The following AP2S1 variants were observed in gnomAD, a reference collection of about 807,000 sequenced individuals.
AP2S1 encodes the protein adaptor related protein complex 2 subunit sigma 1.
Under a neutral mutation model 21.0 loss-of-function variants are expected in AP2S1, and 6 were observed. The observed-to-expected ratio is 0.29, with a 90% CI of 0.16 to 0.56. The LOEUF (loss-of-function observed/expected upper bound fraction) is 0.56. Among genes scored for constraint, AP2S1 ranks in the 20% least tolerant of loss-of-function variants. The probability of loss-of-function intolerance (pLI) is 0.92; values close to 1 mark genes in which losing one functional copy is unlikely to be tolerated. For synonymous variants in AP2S1, 63 were observed against 74.6 expected, an observed-to-expected ratio of 0.84 and a Z score of 0.80; for missense variants, 60 against 186.2, an observed-to-expected ratio of 0.32 and a Z score of 3.95.
At chr19:46,850,015 C>T (rs2122815746) in intron 1 of AP2S1, 1 of 905,536 alleles carries the variant, frequency 1.1e-6, no homozygotes, top group Middle Eastern at 3.9e-4. Context: ...GAGTCTTTGC[C>T]CCAACAAAGA....
intron 2 of AP2S1, among the ~76,000 whole-genome samples, chr19:46,842,284 C>T (rs762182479): frequency 1.1e-4 from 16 of 152,108 alleles, no homozygotes; most frequent in African/African-American, 1.4e-4. Flanking sequence ...CCTCCAGACC[C>T]CCAGGCTGGG....
chr19:46,848,078 G>A (rs1385697687), intron 1 of AP2S1, among the ~76,000 whole-genome samples: 1 of 152,044 alleles, frequency 6.6e-6, no homozygotes, highest in East Asian at 1.9e-4. Context: ...AGGAGTAAAG[G>A]ATATTCCTGG....
At chr19:46,850,178 G>A (rs2055713460) in intron 1 of AP2S1, 1 of 1,232,362 alleles carries the variant, frequency 8.1e-7, no homozygotes. Context: ...AGACCCTTAA[G>A]TTTCATTCCC....
At position 46,838,586 on chromosome 19, in the gene AP2S1, C is replaced by T. The variant is rs751195434; in HGVS notation, c.328-38G>A. On this transcript the variant is annotated intron_variant, in intron 4 of 4. Coordinates refer to ENST00000263270, the MANE Select transcript of AP2S1 (RefSeq NM_004069.6). This position sits in a 1 kb window ranked among gnomAD's most constrained non-coding sequence, Gnocchi z 4.1. Reference sequence around the variant, plus strand: ...AGACCCTGGGGTGAGACGAGGCCCCCCAGGATGCTGGCCCGGACCCTGGAA... The same window carrying T: ...AGACCCTGGGGTGAGACGAGGCCCCTCAGGATGCTGGCCCGGACCCTGGAA... 1 of 1,610,320 alleles carries T rather than the reference C, an allele frequency of 6.2e-7. No individual in the cohort carries two copies. Among genetic ancestry groups the T allele is most frequent in the Non-Finnish European group, 8.5e-7 (1 of 1,176,590 alleles).
chr19:46,840,112 T>C (rs1599761987), intron 2 of AP2S1, among the ~76,000 whole-genome samples: 1 of 151,436 alleles, frequency 6.6e-6, no homozygotes, highest in African/African-American at 2.4e-5. Flanking sequence ...GGGAGGAGGG[T>C]TACCACTGCC....
intron 2 of AP2S1, among the ~76,000 whole-genome samples, chr19:46,843,432 T>A (rs928728077): frequency 3.9e-5 from 6 of 152,018 alleles, no homozygotes; most frequent in African/African-American, 7.2e-5. Context: ...ACGAAAAATT[T>A]AAAAATTAGC....
At chr19:46,843,564 A>C (rs148253629) in intron 2 of AP2S1, among the ~76,000 whole-genome samples, 5,917 of 152,208 alleles carry the variant, frequency 0.039, 182 homozygotes, top group Middle Eastern at 0.071. Flanking sequence ...TCTACCAAAA[A>C]TACAAAAATT....
At chr19:46,848,082 T>C (rs139307850) in intron 1 of AP2S1, among the ~76,000 whole-genome samples, 197 of 152,218 alleles carry the variant, frequency 1.3e-3, no homozygotes, top group African/African-American at 4.5e-3. Flanking sequence ...GTAAAGGATA[T>C]TCCTGGCCGG....
chr19:46,839,749 A>C, intron 2 of AP2S1, 171 bp from the exon 3 acceptor site: 1 of 1,149,432 alleles, frequency 8.7e-7, no homozygotes, highest in Non-Finnish European at 1.2e-6. Context: ...AACCCTGCTC[A>C]CAGTGCAGCG....
In AP2S1 at chr19:46,838,378, G is replaced by T; in HGVS notation, c.*69C>A. 1 of 1,510,330 alleles carries T rather than the reference G, an allele frequency of 6.6e-7. No individual in the cohort carries two copies. The highest frequency in any genetic ancestry group is 9.2e-7 in the Non-Finnish European group (1 of 1,090,172). 93.6% of individuals were successfully genotyped at this position (1,510,330 alleles called of 1,614,324 possible). On this transcript the variant is annotated 3_prime_UTR_variant, in exon 5 of 5. Coordinates refer to ENST00000263270, the MANE Select transcript of AP2S1 (RefSeq NM_004069.6). This position sits in a 1 kb window ranked among gnomAD's most constrained non-coding sequence, Gnocchi z 4.1. ...AGGGAAGGACTGCTGGGTTGGCCAC[G>T]GGCCTGGGAAGGGGAAGCGAGCAGG... is the stretch of plus-strand genomic sequence containing the variant.
Position 46,838,880 on chromosome 19 carries a change from A to G in AP2S1, c.268-81T>C, listed in dbSNP as rs751386133. ...ACAGAGATGGGAACAAGGTCATCAG[A>G]AAGAGACAGCAAAAAAAGAGACCAA... is the stretch of plus-strand genomic sequence containing the variant. On this transcript the variant is annotated intron_variant, in intron 3 of 4. Coordinates refer to ENST00000263270, the MANE Select transcript of AP2S1 (RefSeq NM_004069.6). This position sits in a 1 kb window ranked among gnomAD's most constrained non-coding sequence, Gnocchi z 4.1. 47 of 1,359,174 alleles carry G rather than the reference A, an allele frequency of 3.5e-5. 1 individual carries two copies. The Middle Eastern group carries it at 6.2e-3, about 179-fold the overall frequency. 84.2% of individuals were successfully genotyped at this position (1,359,174 alleles called of 1,614,324 possible).
chr19:46,849,632 A>G (rs2122813177), intron 1 of AP2S1, among the ~76,000 whole-genome samples: 1 of 151,976 alleles, frequency 6.6e-6, no homozygotes. Flanking sequence ...TTGGAATCTC[A>G]AGTCCCCTCC....
rs746693840 is a variant in AP2S1, at chr19:46,850,822, G to C, written c.-56C>G. ...GGTCCCGCGGCGACTGGGCAGCTCC[G>C]GCTCAGGGTGCAGTTGTAGGGCCCA... On this transcript the variant is annotated 5_prime_UTR_variant, in exon 1 of 5. Coordinates refer to ENST00000263270, the MANE Select transcript of AP2S1 (RefSeq NM_004069.6). 1.3e-6 allele frequency: 2 copies of C among 1,519,818 alleles called. No homozygotes were observed. Among genetic ancestry groups the C allele is most frequent in the Non-Finnish European group, 1.8e-6 (2 of 1,130,428 alleles). 94.1% of individuals were successfully genotyped at this position (1,519,818 alleles called of 1,614,324 possible). A position where few individuals can be genotyped will look rare whatever the true frequency, so the allele number is the denominator to read the frequency against.
intron 1 of AP2S1, chr19:46,850,457 G>T: frequency 1.3e-6 from 1 of 743,914 alleles, no homozygotes; most frequent in Non-Finnish European, 1.9e-6. Context: ...CCACAAGACT[G>T]TGTCTCACGA....
At chr19:46,846,741 C>G (rs564663682) in intron 1 of AP2S1, among the ~76,000 whole-genome samples, 3 of 152,334 alleles carry the variant, frequency 2.0e-5, no homozygotes, top group African/African-American at 7.2e-5. Context: ...TCTCGGCTCA[C>G]TGCAACCTCC....
At chr19:46,845,678 C>T (rs767299762) in intron 2 of AP2S1, 44 of 198,670 alleles carry the variant, frequency 2.2e-4, no homozygotes, top group African/African-American at 5.6e-4. Context: ...CTTTTTTAAT[C>T]GTAGGCAAAA....
rs150008468 is a variant in AP2S1, at chr19:46,848,166, C to T, written c.4-2024G>A. Among the ~76,000 whole-genome samples the T allele has an allele frequency of 3.7e-3, 568 of 152,026 alleles. 2 individuals carry two copies. The highest frequency in any genetic ancestry group is 0.013 in the African/African-American group (530 of 41,474). On this transcript the variant is annotated intron_variant, in intron 1 of 4. Coordinates refer to ENST00000263270, the MANE Select transcript of AP2S1 (RefSeq NM_004069.6). Reference sequence around the variant, plus strand: ...GGCAGATCACTTGAGGTCAGGAGTTCGAGACCAGTTTGGCCAACATGGTGA... The same window carrying T: ...GGCAGATCACTTGAGGTCAGGAGTTTGAGACCAGTTTGGCCAACATGGTGA...
chr19:46,850,104 C>T (rs2055711498), intron 1 of AP2S1: 5 of 1,225,852 alleles, frequency 4.1e-6, no homozygotes, highest in African/African-American at 1.6e-5. Context: ...TATTCAGTTG[C>T]TCCCCATTCT....
Position 46,850,067 on chromosome 19 carries a change from C to T in AP2S1, c.3+697G>A, listed in dbSNP as rs1360924531. On this transcript the variant is annotated intron_variant, in intron 1 of 4. Transcript: ENST00000263270. ...ACACTTTCAAGCCTACTCCCCACCC[C>T]ACAAGATCTCTCCTCTTGGAAAGAC... is the stretch of plus-strand genomic sequence containing the variant. The T allele has an allele frequency of 6.8e-6, 8 of 1,183,668 alleles. No homozygotes were observed. The East Asian group carries it at 1.9e-4, about 28-fold the overall frequency. 73.3% of individuals were successfully genotyped at this position (1,183,668 alleles called of 1,614,324 possible). A position where few individuals can be genotyped will look rare whatever the true frequency, so the allele number is the denominator to read the frequency against.
Sources: gnomAD v4.1 joint callset for allele counts (sites outside exome capture counted in the v4.1 genomes callset) on GRCh38, gnomAD v4.1.1 for gene constraint, Gnocchi (gnomAD v3.1) non-coding constraint, MANE v1.5 for transcripts, NCBI Gene and HGNC (gene_info 2026-07-23, HGNC 2026-07-21) for gene names.